The following SLC35F1 variants were observed in gnomAD, a reference collection of about 807,000 sequenced individuals.
SLC35F1 encodes chromosome 6 open reading frame 169.
A neutral mutation model predicts 48.7 loss-of-function variants in SLC35F1; 14 were observed. The ratio of observed to expected loss-of-function variants is 0.29; its 90% CI spans 0.19 to 0.45. The LOEUF (loss-of-function observed/expected upper bound fraction) is 0.45, where lower values mean the gene tolerates loss of function less well. Ranked by LOEUF, SLC35F1 falls within the 20% of genes least tolerant of loss-of-function variation. The pLI is 1.00. For synonymous variants in SLC35F1, 190 were observed against 202.2 expected (o/e 0.94, Z 0.51); for missense variants, 404 against 500.0 (o/e 0.81, Z 1.83).
chr6:118,233,337 T>A (rs927547408), intron 2 of SLC35F1, among the ~76,000 whole-genome samples: 7 of 152,132 alleles, frequency 4.6e-5, no homozygotes, highest in African/African-American at 1.7e-4. Flanking sequence ...ACAAGACAAA[T>A]CCTGACGAAT....
intron 1 of SLC35F1, among the ~76,000 whole-genome samples, chr6:118,048,880 A>T (rs955406663): frequency 2.6e-5 from 4 of 152,154 alleles, no homozygotes; most frequent in African/African-American, 7.2e-5. Flanking sequence ...GTTCATATGG[A>T]ACCAAAAAAG....
chr6:118,110,482 T>C (rs1773383431), intron 1 of SLC35F1, among the ~76,000 whole-genome samples: 1 of 152,182 alleles, frequency 6.6e-6, no homozygotes, highest in Non-Finnish European at 1.5e-5. Flanking sequence ...TGGGGAGTTT[T>C]ATTTCCAGGA....
intron 1 of SLC35F1, among the ~76,000 whole-genome samples, chr6:117,971,716 C>T (rs1776641006): frequency 1.3e-5 from 2 of 152,250 alleles, no homozygotes; most frequent in South Asian, 4.1e-4. Context: ...GGAGCTTGCA[C>T]CCTCTGAAGC....
chr6:117,944,695 A>G (rs181443310), intron 1 of SLC35F1, among the ~76,000 whole-genome samples: 2 of 152,060 alleles, frequency 1.3e-5, no homozygotes, highest in Non-Finnish European at 2.9e-5. Context: ...TACCATCCCT[A>G]TGGATGCATC....
At chr6:117,932,465 A>G (rs893633854) in intron 1 of SLC35F1, among the ~76,000 whole-genome samples, 9 of 152,208 alleles carry the variant, frequency 5.9e-5, no homozygotes, top group African/African-American at 1.9e-4. Flanking sequence ...CCATCATACT[A>G]TAACGACATA....
At chr6:117,923,623 A>ATACATATACATATG (rs1238068010) in intron 1 of SLC35F1, among the ~76,000 whole-genome samples, 10 of 35,792 alleles carry the variant, frequency 2.8e-4, no homozygotes, top group African/African-American at 5.3e-4. Flanking sequence ...ACATATGTAT[A>ATACATATACATATG]TATACATATA....
intron 1 of SLC35F1, among the ~76,000 whole-genome samples, chr6:117,950,736 C>T (rs1325110843): frequency 6.6e-6 from 1 of 152,122 alleles, no homozygotes; most frequent in Non-Finnish European, 1.5e-5. Flanking sequence ...ATAACGTTTA[C>T]AATTTAAATG....
intron 2 of SLC35F1, among the ~76,000 whole-genome samples, chr6:118,186,128 G>A (rs760081681): frequency 1.8e-4 from 28 of 152,032 alleles, no homozygotes; most frequent in Admixed American, 1.6e-3. Flanking sequence ...TCTGGGTCAC[G>A]ATATCTGGGC....
At chr6:117,977,351 T>C (rs985414290) in intron 1 of SLC35F1, among the ~76,000 whole-genome samples, 1 of 152,028 alleles carries the variant, frequency 6.6e-6, no homozygotes, top group African/African-American at 2.4e-5. Flanking sequence ...GCTGAACTAC[T>C]TTCTAGAAAG....
intron 1 of SLC35F1, among the ~76,000 whole-genome samples, chr6:118,006,308 T>C (rs1425663651): frequency 6.6e-6 from 1 of 152,094 alleles, no homozygotes; most frequent in East Asian, 1.9e-4. Context: ...TCTCCTGCAG[T>C]GTTAAACTTT....
At chr6:117,984,116 A>C (rs1776817683) in intron 1 of SLC35F1, among the ~76,000 whole-genome samples, 1 of 152,240 alleles carries the variant, frequency 6.6e-6, no homozygotes, top group Admixed American at 6.5e-5. Flanking sequence ...ACAACTATCA[A>C]ATATATAACC....
chr6:117,948,828 A>G (rs909791479), intron 1 of SLC35F1, among the ~76,000 whole-genome samples: 2 of 152,110 alleles, frequency 1.3e-5, no homozygotes, highest in African/African-American at 4.8e-5. Flanking sequence ...AGAGTACTTC[A>G]CGCAAGAGAT....
chr6:118,054,490 C>T (rs971113185), intron 1 of SLC35F1, among the ~76,000 whole-genome samples: 10 of 152,166 alleles, frequency 6.6e-5, no homozygotes, highest in Non-Finnish European at 1.0e-4. Context: ...TAATTCCCTG[C>T]TCTTGGCACA....
At chr6:118,032,352 TA>T (rs1772066818) in intron 1 of SLC35F1, among the ~76,000 whole-genome samples, 1 of 152,122 alleles carries the variant, frequency 6.6e-6, no homozygotes, top group Admixed American at 6.6e-5. Context: ...CAATTTTTAT[TA>T]ATTTAGTTAG....
intron 2 of SLC35F1, among the ~76,000 whole-genome samples, chr6:118,188,264 A>G (rs1774686009): frequency 6.6e-6 from 1 of 152,212 alleles, no homozygotes; most frequent in Admixed American, 6.5e-5. Flanking sequence ...TATAGGAAAA[A>G]CTAGGCCAGG....
At chr6:118,022,920 C>A (rs1777414758) in intron 1 of SLC35F1, among the ~76,000 whole-genome samples, 1 of 151,686 alleles carries the variant, frequency 6.6e-6, no homozygotes, top group South Asian at 2.1e-4. Flanking sequence ...CGGGCTAATT[C>A]TTTTTTTTCT....
intron 2 of SLC35F1, among the ~76,000 whole-genome samples, chr6:118,213,353 C>T (rs969138021): frequency 3.9e-5 from 6 of 152,094 alleles, no homozygotes; most frequent in Admixed American, 6.6e-5. Context: ...CAGGATGTGT[C>T]CCGTTTGTGT....
At chr6:118,075,446 G>C (rs960985319) in intron 1 of SLC35F1, among the ~76,000 whole-genome samples, 1 of 152,128 alleles carries the variant, frequency 6.6e-6, no homozygotes, top group Non-Finnish European at 1.5e-5. Context: ...TATCCAGATT[G>C]TTTTCTTCCA....
chr6:117,984,244 T>C (rs977305612), intron 1 of SLC35F1, among the ~76,000 whole-genome samples: 4 of 152,048 alleles, frequency 2.6e-5, no homozygotes, highest in African/African-American at 4.8e-5. Flanking sequence ...TTTTCACAAT[T>C]TTAAATGGAT....
Sources: allele counts gnomAD v4.1 joint callset (sites outside exome capture counted in the v4.1 genomes callset), GRCh38; gene constraint gnomAD v4.1.1; transcripts MANE v1.5; gene names NCBI Gene and HGNC (gene_info 2026-07-23, HGNC 2026-07-21).